TRERF1: variants seen among roughly 807,000 people sequenced by gnomAD.
TRERF1 encodes the protein transcriptional-regulating factor 1.
TRERF1 carries 27 observed loss-of-function variants against 122.9 expected under a neutral mutation model. That is an observed-to-expected ratio of 0.22 (90% CI 0.16 to 0.30). The LOEUF (loss-of-function observed/expected upper bound fraction) is 0.30, where lower values mean the gene tolerates loss of function less well. Among genes scored for constraint, TRERF1 ranks in the 10% least tolerant of loss-of-function variants. The pLI is 1.00. For synonymous variants in TRERF1, 636 were observed against 641.7 expected (o/e 0.99, Z 0.13); for missense variants, 1,248 against 1,560.3 (o/e 0.80, Z 3.37).
intron 3 of TRERF1, among the ~76,000 whole-genome samples, chr6:42,324,719 A>G (rs1196358483): frequency 1.3e-5 from 2 of 152,190 alleles, no homozygotes; most frequent in Non-Finnish European, 1.5e-5. Context: ...TTAAAACTGG[A>G]CCCCTATTTA....
intron 3 of TRERF1, among the ~76,000 whole-genome samples, chr6:42,302,629 T>C (rs1171129576): frequency 6.6e-6 from 1 of 152,220 alleles, no homozygotes; most frequent in Non-Finnish European, 1.5e-5. Context: ...TGAAGCAACA[T>C]CTGTAATGTT....
chr6:42,308,678 G>A (rs954331778), intron 3 of TRERF1, among the ~76,000 whole-genome samples: 48 of 152,302 alleles, frequency 3.2e-4, no homozygotes, highest in African/African-American at 1.1e-3. Context: ...GCAAGCTAAC[G>A]CAGGAACAGA....
At chr6:42,278,711 C>T (rs1452208261) in intron 4 of TRERF1, among the ~76,000 whole-genome samples, 1 of 152,180 alleles carries the variant, frequency 6.6e-6, no homozygotes, top group African/African-American at 2.4e-5. Flanking sequence ...AGATGGGACA[C>T]AGGAGCATCA....
At chr6:42,258,267 T>C (rs1178098283) in intron 9 of TRERF1, 66 bp from the exon 10 acceptor site, 5 of 1,437,752 alleles carry the variant, frequency 3.5e-6, no homozygotes, top group Non-Finnish European at 4.9e-6. Context: ...CTAAAGCAAA[T>C]GAGCAGTTAC....
intron 10 of TRERF1, among the ~76,000 whole-genome samples, chr6:42,257,383 A>C (rs552855247): frequency 4.6e-5 from 7 of 152,326 alleles, no homozygotes; most frequent in Non-Finnish European, 8.8e-5. Flanking sequence ...TATTTCCAAC[A>C]TAACAGTTTC....
intron 2 of TRERF1, among the ~76,000 whole-genome samples, chr6:42,435,263 G>A (rs1186721514): frequency 1.3e-5 from 2 of 152,202 alleles, no homozygotes; most frequent in Non-Finnish European, 2.9e-5. Flanking sequence ...AGGCCTAAGT[G>A]TTTAAGTGGC....
chr6:42,451,074 G>C (rs774472846), intron 2 of TRERF1, 103 bp downstream of exon 2: 2 of 152,020 alleles, frequency 1.3e-5, no homozygotes, highest in Non-Finnish European at 2.9e-5. Context: ...TTCTCCTTCT[G>C]TCTCCCCACT....
chr6:42,437,324 C>T (rs771041013), intron 2 of TRERF1, among the ~76,000 whole-genome samples: 24 of 152,262 alleles, frequency 1.6e-4, no homozygotes, highest in South Asian at 8.3e-4. Context: ...GTGTGAACCA[C>T]GCACCCATCG....
At chr6:42,338,095 A>C (rs1766547133) in intron 3 of TRERF1, among the ~76,000 whole-genome samples, 1 of 152,158 alleles carries the variant, frequency 6.6e-6, no homozygotes, top group Non-Finnish European at 1.5e-5. Context: ...GTTACATTGA[A>C]ATCAGCTGGC....
chr6:42,317,745 C>T (rs1430182781), intron 3 of TRERF1, among the ~76,000 whole-genome samples: 3 of 151,970 alleles, frequency 2.0e-5, no homozygotes, highest in African/African-American at 7.3e-5. Context: ...AAGAAAAACT[C>T]CATCACTTGT....
At chr6:42,369,476 G>A (rs976904735) in intron 2 of TRERF1, among the ~76,000 whole-genome samples, 4 of 151,998 alleles carry the variant, frequency 2.6e-5, no homozygotes, top group Non-Finnish European at 2.9e-5. Context: ...AACAAACTGA[G>A]GAGTCCAAAA....
intron 2 of TRERF1, among the ~76,000 whole-genome samples, chr6:42,428,921 C>T (rs1258075967): frequency 6.6e-6 from 1 of 152,116 alleles, no homozygotes; most frequent in East Asian, 1.9e-4. Flanking sequence ...TAGAGAAGTC[C>T]AATACACTGG....
intron 2 of TRERF1, among the ~76,000 whole-genome samples, chr6:42,440,535 T>C (rs1345993182): frequency 5.3e-5 from 8 of 152,142 alleles, no homozygotes; most frequent in Non-Finnish European, 1.0e-4. Context: ...CAGTTACTAC[T>C]ACTAAAGCGA....
chr6:42,415,696 C>G (rs1266033778), intron 2 of TRERF1, among the ~76,000 whole-genome samples: 1 of 152,138 alleles, frequency 6.6e-6, no homozygotes, highest in African/African-American at 2.4e-5. Flanking sequence ...TTATTTTGGG[C>G]TCACTATTCT....
intron 3 of TRERF1, among the ~76,000 whole-genome samples, chr6:42,342,718 T>C (rs1767523355): frequency 6.6e-6 from 1 of 152,238 alleles, no homozygotes; most frequent in African/African-American, 2.4e-5. Context: ...CACTGTCTCA[T>C]AAAGCAGTTC....
At position 42,259,589 on chromosome 6, in the gene TRERF1, G is replaced by T. The variant is rs920722613; in HGVS notation, c.2019C>A (p.Pro673=). 6.2e-7 allele frequency: 1 copy of T among 1,613,804 alleles called. No homozygotes were observed. The highest frequency in any genetic ancestry group is 8.5e-7 in the Non-Finnish European group (1 of 1,179,940). ...GGGTGGCGCCCGAGTAGGAGGCAGC[G>T]GGGTTCGGGTTGTAGGAGGGCGGCG... Residue 673 remains proline, a synonymous_variant, in exon 9 of 18, where the codon CCC becomes CCA. Transcript: ENST00000372922. This position sits in a 1 kb window ranked among gnomAD's most constrained non-coding sequence, Gnocchi z 4.9.
intron 8 of TRERF1, among the ~76,000 whole-genome samples, chr6:42,262,042 T>A (rs1187331421): frequency 6.6e-6 from 1 of 151,370 alleles, no homozygotes; most frequent in Non-Finnish European, 1.5e-5. Flanking sequence ...TAATTGAGAG[T>A]TCCCCAAGGG....
chr6:42,232,983 A>C lies in TRERF1; in HGVS notation c.3067-91T>G. 6.8e-7 allele frequency: 1 copy of C among 1,462,186 alleles called. No individual in the cohort carries two copies. Among genetic ancestry groups the C allele is most frequent in the East Asian group, 2.5e-5 (1 of 39,894 alleles). 90.6% of individuals were successfully genotyped at this position (1,462,186 alleles called of 1,614,324 possible). A position where few individuals can be genotyped will look rare whatever the true frequency, so the allele number is the denominator to read the frequency against. On this transcript the variant is annotated intron_variant, in intron 16 of 17. Transcript: ENST00000372922. The surrounding 1 kb of genome is among the most constrained non-coding windows in gnomAD (Gnocchi z 4.5). ...TCAGTGGTAAACATGGAATACTTGA[A>C]ACTGTCTAATGACAGGGCACAAGGG...
At chr6:42,278,910 G>T (rs896649789) in intron 4 of TRERF1, among the ~76,000 whole-genome samples, 1 of 152,110 alleles carries the variant, frequency 6.6e-6, no homozygotes, top group Non-Finnish European at 1.5e-5. Context: ...ATTAACTGAG[G>T]CCTCATAGCT....
Sources: allele counts gnomAD v4.1 joint callset (sites outside exome capture counted in the v4.1 genomes callset), GRCh38; gene constraint gnomAD v4.1.1; non-coding constraint Gnocchi (gnomAD v3.1); transcripts MANE v1.5; gene names NCBI Gene and HGNC (gene_info 2026-07-23, HGNC 2026-07-21).